The following FGB variants were observed in gnomAD, a reference collection of about 807,000 sequenced individuals.
FGB encodes beta-fibrinogen.
Under a neutral mutation model 57.9 loss-of-function variants are expected in FGB, and 25 were observed. That is an observed-to-expected ratio of 0.43 (90% confidence interval 0.31 to 0.60). The LOEUF (loss-of-function observed/expected upper bound fraction) is 0.60. Among genes scored for constraint, FGB ranks in the 20% least tolerant of loss-of-function variants. The pLI is 0.08. For synonymous variants in FGB, 203 were observed against 199.2 expected (o/e 1.02, Z -0.16); for missense variants, 536 against 598.4 (o/e 0.90, Z 1.09).
chr4:154,569,130 A>C, intron 5 of FGB, 52 bp from the exon 6 acceptor site: 1 of 1,597,902 alleles, frequency 6.3e-7, no homozygotes, highest in Non-Finnish European at 8.6e-7. Flanking sequence ...TTTCAAAGTG[A>C]CATTATTTGC....
chr4:154,562,990 A>G, upstream of FGB: 1 of 1,085,912 alleles, frequency 9.2e-7, no homozygotes, highest in Non-Finnish European at 1.4e-6. Context: ...AGATATATAT[A>G]GGATTGAAGA....
intron 1 of FGB, among the ~76,000 whole-genome samples, chr4:154,563,682 T>G (rs1730040809): frequency 6.6e-6 from 1 of 151,718 alleles, no homozygotes; most frequent in Non-Finnish European, 1.5e-5. Flanking sequence ...CAAATTAGAG[T>G]TAGTGTGTAT....
At chr4:154,567,510 A>G in intron 3 of FGB, 83 bp from the exon 4 acceptor site, 1 of 852,110 alleles carries the variant, frequency 1.2e-6, no homozygotes, top group South Asian at 1.4e-5. Flanking sequence ...GTTTATTCTC[A>G]GAAAATCAAA....
rs2227426 is a variant in FGB, at chr4:154,572,019, G to A, written c.*1369G>A. Reference sequence around the variant, plus strand: ...CCACTGGAGCCCATACTCACCTACCGCTTTGCCATCACATTTAACAGAAAA... The same window carrying A: ...CCACTGGAGCCCATACTCACCTACCACTTTGCCATCACATTTAACAGAAAA... On this transcript the variant is annotated 3_prime_UTR_variant, in exon 8 of 8. Coordinates refer to ENST00000302068, the MANE Select transcript of FGB (RefSeq NM_005141.5). 0.14 allele frequency among the ~76,000 whole-genome samples: 21,676 copies of A among 152,020 alleles called. 1,901 individuals carry two copies. Among genetic ancestry groups the A allele is most frequent in the East Asian group, 0.22 (1,126 of 5,166 alleles).
At chr4:154,568,306 T>G in intron 4 of FGB, 75 bp from the exon 5 acceptor site, 2 of 816,788 alleles carry the variant, frequency 2.4e-6, no homozygotes, top group African/African-American at 1.7e-5. Context: ...GTAATGTTAT[T>G]TTAAAGAATT....
rs980646089 is a variant in FGB at position 154,571,630 on chromosome 4, T to C, written c.*980T>C. Among the ~76,000 whole-genome samples, 3 of 152,216 alleles carry C rather than the reference T, an allele frequency of 2.0e-5. No individual in the cohort carries two copies. The highest frequency in any genetic ancestry group is 7.2e-5 in the African/African-American group (3 of 41,450). On this transcript the variant is annotated 3_prime_UTR_variant, in exon 8 of 8. Transcript: ENST00000302068. ...TGAAATAGGGAGCAGAATATGCCTGTTGCCCATAGAAACGAGGTCTATTCT... is the reference window on the plus strand; with the variant it reads ...TGAAATAGGGAGCAGAATATGCCTGCTGCCCATAGAAACGAGGTCTATTCT...
chr4:154,562,984 A>G (rs564463049), upstream of FGB: 46 of 1,017,030 alleles, frequency 4.5e-5, no homozygotes, highest in South Asian at 4.8e-4. Context: ...GGACTCAGAT[A>G]TATATAGGAT....
In FGB at chr4:154,569,415, C is replaced by T. The variant is rs1425563196; in HGVS notation, c.959-99C>T. The T allele has an allele frequency of 2.5e-6, 4 of 1,584,614 alleles. No homozygotes were observed. In the African/African-American group the frequency reaches 4.1e-5, roughly 16 times the overall value. ...TGTTTTAGGCAGTTAAGAGGAGTTT[C>T]CTGACAAAAATGTGGAAGCTAAAGA... On this transcript the variant is annotated intron_variant, in intron 6 of 7. Coordinates refer to ENST00000302068, the MANE Select transcript of FGB (RefSeq NM_005141.5).
chr4:154,570,275 G>C (rs2110780416), intron 7 of FGB, 144 bp from the exon 8 acceptor site: 1 of 704,034 alleles, frequency 1.4e-6, no homozygotes, highest in African/African-American at 1.8e-5. Context: ...GAGGTCTTTG[G>C]TGTATTAGTG....
chr4:154,571,737 C>T lies in FGB; in HGVS notation c.*1087C>T, dbSNP rs779659334. 1.3e-5 allele frequency among the ~76,000 whole-genome samples: 2 copies of T among 152,138 alleles called. No homozygotes were observed. Among genetic ancestry groups the T allele is most frequent in the Admixed American group, 1.3e-4 (2 of 15,268 alleles). ...GTTTTTCTGTTCTTTCTACTTCTCC[C>T]CATGAAATGGGCATATCATCTCAAC... On this transcript the variant is annotated 3_prime_UTR_variant, in exon 8 of 8. Transcript: ENST00000302068.
At chr4:154,563,173 TTAATA>T (rs1383816770) in intron 1 of FGB, 41 bp downstream of exon 1, 20 of 811,682 alleles carry the variant, frequency 2.5e-5, no homozygotes, top group Non-Finnish European at 3.1e-5. Context: ...AGTAGTATTA[TTAATA>T]TAAGATGTAA....
intron 3 of FGB, 167 bp downstream of exon 3, chr4:154,566,839 G>T (rs1183213350): frequency 1.5e-6 from 1 of 652,700 alleles, no homozygotes; most frequent in Non-Finnish European, 2.7e-6. Context: ...GCACTATTCA[G>T]CTCTTATTCC....
In FGB at chr4:154,569,570, G is replaced by C; in HGVS notation, c.1015G>C (p.Glu339Gln). ...CCAGCTTACCAGGATGGGACCCACA[G>C]AACTTTTGATAGAAATGGAGGACTG... ...ISQLTRMGPT[E>Q]LLIEMEDWKG... Residue 339 changes from glutamate to glutamine, a missense_variant, in exon 7 of 8, where the codon GAA becomes CAA. Glu to Gln is a conservative substitution (Grantham distance 29). This residue lies in a region of FGB where 177 missense variants were observed against 193.7 expected (regional missense o/e 0.91). Coordinates refer to ENST00000302068, the MANE Select transcript of FGB (RefSeq NM_005141.5). 1 of 1,614,084 alleles carries C rather than the reference G, an allele frequency of 6.2e-7. No individual in the cohort carries two copies. Among genetic ancestry groups the C allele is most frequent in the Non-Finnish European group, 8.5e-7 (1 of 1,179,990 alleles).
At position 154,569,313 on chromosome 4, in the gene FGB, G is replaced by T. The variant is rs769708528; in HGVS notation, c.958+6G>T. ...GAATTACTGTGGCCTACCAGGTAAC[G>T]AACAGGCATGCAAAATAAAATCATT... On this transcript the variant is annotated splice_donor_region_variant and intron_variant, in intron 6 of 7. Coordinates refer to ENST00000302068, the MANE Select transcript of FGB (RefSeq NM_005141.5). 6.2e-7 allele frequency: 1 copy of T among 1,613,998 alleles called. No homozygotes were observed. The highest frequency in any genetic ancestry group is 8.5e-7 in the Non-Finnish European group (1 of 1,179,928).
intron 1 of FGB, among the ~76,000 whole-genome samples, chr4:154,564,048 A>T (rs889013242): frequency 2.6e-5 from 4 of 151,600 alleles, no homozygotes; most frequent in Admixed American, 1.3e-4. Flanking sequence ...GTGTGTAAAA[A>T]CATATGGTTA....
In FGB at chr4:154,572,739, G is replaced by A. The variant is rs1466741185; in HGVS notation, c.*2089G>A. On this transcript the variant is annotated 3_prime_UTR_variant, in exon 8 of 8. Coordinates refer to ENST00000302068, the MANE Select transcript of FGB (RefSeq NM_005141.5). Reference sequence around the variant, plus strand: ...TTAACATATACGATTTCATGATTTTGGAAATATGCATACACCCATGATATC... The same window carrying A: ...TTAACATATACGATTTCATGATTTTAGAAATATGCATACACCCATGATATC... Among the ~76,000 whole-genome samples the A allele has an allele frequency of 6.6e-6, 1 of 151,948 alleles. No homozygotes were observed. Among genetic ancestry groups the A allele is most frequent in the Non-Finnish European group, 1.5e-5 (1 of 67,994 alleles).
At chr4:154,567,524 G>C (rs1278336453) in intron 3 of FGB, 69 bp from the exon 4 acceptor site, 1 of 930,902 alleles carries the variant, frequency 1.1e-6, no homozygotes, top group Non-Finnish European at 1.8e-6. Context: ...AATCAAAATT[G>C]TATAGTTAAA....
Position 154,569,702 on chromosome 4 carries a change from C to G in FGB, c.1147C>G (p.Leu383Val), listed in dbSNP as rs762523152. 5.6e-6 allele frequency: 9 copies of G among 1,614,098 alleles called. No homozygotes were observed. In the South Asian group the frequency reaches 9.9e-5, roughly 18 times the overall value. The change falls in exon 7 of 8, where the codon CTC becomes GTC. Residue 383 changes from leucine to valine, a missense_variant. Leu to Val is a conservative substitution (Grantham distance 32, BLOSUM62 1). Coordinates refer to ENST00000302068, the MANE Select transcript of FGB (RefSeq NM_005141.5). Reference sequence around the variant, plus strand: ...ATACAGAGGAACAGCCGGTAATGCCCTCATGGATGGAGCATCTCAGCTGAT... The same window carrying G: ...ATACAGAGGAACAGCCGGTAATGCCGTCATGGATGGAGCATCTCAGCTGAT... ...NKYRGTAGNA[L>V]MDGASQLMGE...
rs1031964671 is a variant in FGB at position 154,571,550 on chromosome 4, T to C, written c.*900T>C. Among the ~76,000 whole-genome samples the C allele has an allele frequency of 6.6e-6, 1 of 151,876 alleles. No homozygotes were observed. Among genetic ancestry groups the C allele is most frequent in the African/African-American group, 2.4e-5 (1 of 41,330 alleles). On this transcript the variant is annotated 3_prime_UTR_variant, in exon 8 of 8. Transcript: ENST00000302068. ...CTTAAATAAACATCAGGATCAGAGA[T>C]TCCAAGAGGACAATCTGCATCAAGT...
Sources: allele counts gnomAD v4.1 joint callset (sites outside exome capture counted in the v4.1 genomes callset), GRCh38; gene constraint gnomAD v4.1.1; regional missense constraint gnomAD v4.1.1; transcripts MANE v1.5; gene names NCBI Gene and HGNC (gene_info 2026-07-23, HGNC 2026-07-21).